The following KANK4 variants were observed in gnomAD, a reference collection of about 807,000 sequenced individuals.
KANK4 encodes the protein KN motif and ankyrin repeat domains 4.
In KANK4, 50 loss-of-function variants were observed where a neutral mutation model predicts 80.8. That is an observed-to-expected ratio of 0.62 (90% CI 0.49 to 0.78). The LOEUF (loss-of-function observed/expected upper bound fraction) is 0.78, where lower values mean the gene tolerates loss of function less well. Ranked by LOEUF, KANK4 falls within the 30% of genes least tolerant of loss-of-function variation. The probability of loss-of-function intolerance (pLI) is 0.00; values close to 1 mark genes in which losing one functional copy is unlikely to be tolerated. For synonymous variants in KANK4, 465 were observed against 506.9 expected, an observed-to-expected ratio of 0.92 and a Z score of 1.11; for missense variants, 1,196 against 1,240.1, an observed-to-expected ratio of 0.96 and a Z score of 0.53.
chr1:62,311,456 T>C (rs1419637421), intron 1 of KANK4, among the ~76,000 whole-genome samples: 1 of 151,814 alleles, frequency 6.6e-6, no homozygotes, highest in Non-Finnish European at 1.5e-5. Flanking sequence ...CAGTAGACGC[T>C]CCTGTTTCCT....
chr1:62,251,673 C>A, intron 8 of KANK4, among the ~76,000 whole-genome samples: 1 of 152,110 alleles, frequency 6.6e-6, no homozygotes, highest in East Asian at 1.9e-4. Context: ...GAGTGAACCC[C>A]AATCAACTTG....
At chr1:62,279,299 C>G (rs1672400328) in intron 2 of KANK4, among the ~76,000 whole-genome samples, 2 of 152,090 alleles carry the variant, frequency 1.3e-5, no homozygotes, top group South Asian at 4.1e-4. Context: ...CCTTCTCTTT[C>G]TCCCAGCACA....
intron 1 of KANK4, among the ~76,000 whole-genome samples, chr1:62,297,291 T>C (rs1644374357): frequency 1.4e-5 from 1 of 74,004 alleles, no homozygotes; most frequent in Non-Finnish European, 2.3e-5. Flanking sequence ...ATAATAATAA[T>C]AATTATTATT....
intron 2 of KANK4, 34 bp from the exon 3 acceptor site, chr1:62,275,121 C>A: frequency 2.8e-6 from 4 of 1,444,760 alleles, no homozygotes; most frequent in South Asian, 1.3e-5. Flanking sequence ...AAAAAAAAAG[C>A]ACAAATTTAA....
intron 8 of KANK4, among the ~76,000 whole-genome samples, chr1:62,248,275 G>A (rs1671520630): frequency 6.6e-6 from 1 of 152,210 alleles, no homozygotes; most frequent in South Asian, 2.1e-4. Flanking sequence ...ATAGGTGGAC[G>A]TAGCAATGAG....
chr1:62,292,660 T>C (rs2765262), intron 1 of KANK4, among the ~76,000 whole-genome samples: 98,587 of 152,018 alleles, frequency 0.65, 33,030 homozygotes, highest in African/African-American at 0.82. Context: ...CAAATCTCTA[T>C]TTTAATGGGA....
At chr1:62,241,941 C>T (rs11207944) in intron 9 of KANK4, among the ~76,000 whole-genome samples, 54,070 of 152,004 alleles carry the variant, frequency 0.36, 10,352 homozygotes, top group Non-Finnish European at 0.43. Flanking sequence ...CTGTGGACTC[C>T]TCGACTGCAG....
intron 1 of KANK4, among the ~76,000 whole-genome samples, chr1:62,303,536 C>T (rs1644428791): frequency 6.6e-6 from 1 of 151,986 alleles, no homozygotes; most frequent in African/African-American, 2.4e-5. Flanking sequence ...CAAACTAAGT[C>T]GTCTTGGTTC....
At chr1:62,247,772 A>C in intron 8 of KANK4, 100 bp from the exon 9 acceptor site, 1 of 937,278 alleles carries the variant, frequency 1.1e-6, no homozygotes, top group Non-Finnish European at 1.7e-6. Flanking sequence ...CAATACCACA[A>C]CCACTGATTT....
chr1:62,241,584 G>C (rs10889313), intron 9 of KANK4, among the ~76,000 whole-genome samples: 54,035 of 152,096 alleles, frequency 0.36, 10,328 homozygotes, highest in Non-Finnish European at 0.43. Context: ...GCATTTGGTC[G>C]GCCCTCAACA....
In KANK4 at chr1:62,273,363, C is replaced by T. The variant is rs1227677185; in HGVS notation, c.1741G>A (p.Gly581Arg). The change falls in exon 3 of 10, where the codon GGG becomes AGG. Residue 581 changes from glycine to arginine, a missense_variant. Around this residue, in one of 3 missense-constraint regions of KANK4, gnomAD observed 1,154 missense variants for 1,179.6 expected, o/e 0.98. Transcript: ENST00000371153. The stretch of plus-strand genomic sequence containing the variant: ...ATGGCGCTGGCCAGCTCCGGGTACC[C>T]ATGCTCCAGGCAGTTCCACTGCTCC... The part of the protein sequence containing the change: ...LQEQWNCLEH[G>R]YPELASAIKQ... 3 of 1,607,842 alleles carry T rather than the reference C, an allele frequency of 1.9e-6. No individual in the cohort carries two copies. The highest frequency in any genetic ancestry group is 2.6e-6 in the Non-Finnish European group (3 of 1,175,386).
At chr1:62,251,239 G>C (rs907104106) in intron 8 of KANK4, among the ~76,000 whole-genome samples, 3 of 152,134 alleles carry the variant, frequency 2.0e-5, no homozygotes, top group East Asian at 1.9e-4. Flanking sequence ...TGGGAGCTGG[G>C]ATTTGGGCAA....
rs1278562778 is a variant in KANK4, at chr1:62,273,934, A to G, written c.1170T>C (p.Thr390=). Residue 390 remains threonine, a synonymous_variant, in exon 3 of 10, where the codon ACT becomes ACC. Transcript: ENST00000371153. The part of the protein sequence containing the change: ...REQRIRELEF[T]VAQLEGQFHQ... ...GAAACTGTCCTTCCAGTTGGGCTAC[A>G]GTGAACTCCAGCTCTCGAATTCTTT... 2.5e-6 allele frequency: 4 copies of G among 1,614,072 alleles called. No homozygotes were observed. In the African/African-American group the frequency reaches 5.3e-5, roughly 22 times the overall value.
At chr1:62,309,105 C>T (rs1175131361) in intron 1 of KANK4, among the ~76,000 whole-genome samples, 3 of 152,314 alleles carry the variant, frequency 2.0e-5, no homozygotes, top group African/African-American at 4.8e-5. Flanking sequence ...TATGTCTCAC[C>T]GTTCTGGAGG....
At chr1:62,276,172 G>A (rs138744952) in intron 2 of KANK4, among the ~76,000 whole-genome samples, 69 of 152,238 alleles carry the variant, frequency 4.5e-4, no homozygotes, top group Non-Finnish European at 9.0e-4. Flanking sequence ...AGAGGACACT[G>A]GAAACAAGCC....
chr1:62,273,123 T>C, intron 3 of KANK4, 81 bp downstream of exon 3: 1 of 1,019,312 alleles, frequency 9.8e-7, no homozygotes, highest in Admixed American at 2.7e-5. Flanking sequence ...GTTAATATAA[T>C]TGAAAACCTT....
At chr1:62,246,075 G>A (rs551254694) in intron 9 of KANK4, among the ~76,000 whole-genome samples, 1 of 152,146 alleles carries the variant, frequency 6.6e-6, no homozygotes, top group Non-Finnish European at 1.5e-5. Context: ...TGGGGCAGCA[G>A]GAAGACGGTC....
chr1:62,275,815 GAAGAAAGA>G (rs1672296904), intron 2 of KANK4, among the ~76,000 whole-genome samples: 1 of 122,666 alleles, frequency 8.2e-6, no homozygotes, highest in Non-Finnish European at 1.6e-5. Flanking sequence ...GTAACTCAAT[GAAGAAAGA>G]AAGAGAGAAA....
intron 1 of KANK4, among the ~76,000 whole-genome samples, chr1:62,318,306 G>A (rs982783207): frequency 3.3e-5 from 5 of 152,236 alleles, no homozygotes; most frequent in Admixed American, 3.3e-4. Flanking sequence ...TGGCAGCCCC[G>A]AAGGATGCCC....
Sources: allele counts gnomAD v4.1 joint callset (sites outside exome capture counted in the v4.1 genomes callset), GRCh38; gene constraint gnomAD v4.1.1; regional missense constraint gnomAD v4.1.1; transcripts MANE v1.5; gene names NCBI Gene and HGNC (gene_info 2026-07-23, HGNC 2026-07-21).